PLCB1: variants seen among roughly 807,000 people sequenced by gnomAD.
The protein encoded by PLCB1 is phospholipase C beta 1, also known as 1-phosphatidylinositol 4,5-bisphosphate phosphodiesterase beta-1.
Under a neutral mutation model 161.8 loss-of-function variants are expected in PLCB1, and 46 were observed. That is an observed-to-expected ratio of 0.28 (90% CI 0.22 to 0.36). The LOEUF is 0.36. PLCB1 is among the 10% of genes least tolerant of loss of function. The pLI is 1.00. For missense variants in PLCB1, 1,016 were observed against 1,472.5 expected (o/e 0.69, Z 5.07); for synonymous variants, 517 against 503.7 (o/e 1.03, Z -0.35).
intron 3 of PLCB1, among the ~76,000 whole-genome samples, chr20:8,513,697 A>G (rs1983988343): frequency 6.6e-6 from 1 of 152,130 alleles, no homozygotes; most frequent in African/African-American, 2.4e-5. Context: ...TGAAATGATA[A>G]AACGCTACCA....
At chr20:8,285,211 G>C (rs900229139) in intron 2 of PLCB1, among the ~76,000 whole-genome samples, 2 of 149,724 alleles carry the variant, frequency 1.3e-5, no homozygotes, top group African/African-American at 4.9e-5. Flanking sequence ...CCAAATGTAT[G>C]CTCCTTCTCT....
chr20:8,768,513 C>G (rs6056083), intron 26 of PLCB1, among the ~76,000 whole-genome samples: 48,383 of 152,054 alleles, frequency 0.32, 7,764 homozygotes, highest in Middle Eastern at 0.49. Flanking sequence ...CTGGGCAGAA[C>G]CTGAAGTTTA....
intron 19 of PLCB1, among the ~76,000 whole-genome samples, chr20:8,734,783 C>T (rs1441107641): frequency 6.6e-6 from 1 of 151,976 alleles, no homozygotes; most frequent in Non-Finnish European, 1.5e-5. Context: ...AACTGAATAA[C>T]TATAGAACTA....
At chr20:8,682,949 A>G (rs188672751) in intron 9 of PLCB1, among the ~76,000 whole-genome samples, 1 of 152,292 alleles carries the variant, frequency 6.6e-6, no homozygotes, top group Admixed American at 6.5e-5. Flanking sequence ...AGTCAATGCA[A>G]TGTCATTTAT....
chr20:8,565,592 A>G (rs1182807738), intron 3 of PLCB1, among the ~76,000 whole-genome samples: 1 of 152,030 alleles, frequency 6.6e-6, no homozygotes, highest in Non-Finnish European at 1.5e-5. Context: ...CTGAATAGGC[A>G]AACAGAAATA....
In PLCB1 at chr20:8,882,087, T is replaced by C. The variant is rs926829954; in HGVS notation, c.*238T>C. 3.1e-5 allele frequency: 13 copies of C among 420,024 alleles called. No individual in the cohort carries two copies. The highest frequency in any genetic ancestry group is 5.5e-5 in the Non-Finnish European group (13 of 236,448). 26.0% of individuals were successfully genotyped at this position (420,024 alleles called of 1,614,324 possible). On this transcript the variant is annotated 3_prime_UTR_variant, in exon 32 of 32. Transcript: ENST00000338037. ...GAATGCATGTATGTGAGATTTTTGTTTTCTTTCCAATAGCAAATTCAAAGC... is the reference window on the plus strand; with the variant it reads ...GAATGCATGTATGTGAGATTTTTGTCTTCTTTCCAATAGCAAATTCAAAGC...
intron 31 of PLCB1, among the ~76,000 whole-genome samples, chr20:8,821,874 TTGTC>T (rs1421153880): frequency 7.2e-5 from 11 of 152,108 alleles, no homozygotes; most frequent in Middle Eastern, 6.8e-3. Context: ...TTCCAGCTCT[TTGTC>T]TGTCCCCAGA....
intron 2 of PLCB1, among the ~76,000 whole-genome samples, chr20:8,162,721 A>C (rs565139242): frequency 6.6e-6 from 1 of 152,376 alleles, no homozygotes; most frequent in East Asian, 1.9e-4. Flanking sequence ...CAAACAATGC[A>C]CCTGTGTGAA....
intron 2 of PLCB1, among the ~76,000 whole-genome samples, chr20:8,290,136 A>T (rs1983317660): frequency 6.6e-6 from 1 of 152,068 alleles, no homozygotes; most frequent in East Asian, 1.9e-4. Flanking sequence ...AAAAGCTGAA[A>T]CTTGGCTTTT....
In PLCB1 at chr20:8,233,952, T is replaced by C. The variant is rs567708636; in HGVS notation, c.177+83581T>C. 8.5e-5 allele frequency among the ~76,000 whole-genome samples: 13 copies of C among 152,330 alleles called. No homozygotes were observed. The South Asian group carries it at 2.5e-3, about 29-fold the overall frequency. ...GCTGTATAATATTCCATTGTGTGGA[T>C]GTTCCATTTATTCATTCTACTGTTA... is the stretch of plus-strand genomic sequence containing the variant. On this transcript the variant is annotated intron_variant, in intron 2 of 31. Coordinates refer to ENST00000338037, the MANE Select transcript of PLCB1 (RefSeq NM_015192.4).
rs184639486 is a variant in PLCB1, at chr20:8,472,571, A to G, written c.246+101121A>G. ...TAGCCGTGTTCTCTTTAAGCCAGGT[A>G]TGATGGTGCATGCCTGTAGTCCAGC... On this transcript the variant is annotated intron_variant, in intron 3 of 31. Transcript: ENST00000338037. 5.3e-5 allele frequency among the ~76,000 whole-genome samples: 8 copies of G among 152,184 alleles called. No individual in the cohort carries two copies. The East Asian group carries it at 1.5e-3, about 29-fold the overall frequency.
intron 3 of PLCB1, among the ~76,000 whole-genome samples, chr20:8,399,083 CT>C (rs915168362): frequency 8.9e-5 from 13 of 145,310 alleles, no homozygotes; most frequent in African/African-American, 7.5e-5. Context: ...CCTATAGCTT[CT>C]TTTTTTTTTT....
At chr20:8,326,341 A>G (rs898709097) in intron 2 of PLCB1, among the ~76,000 whole-genome samples, 2 of 152,162 alleles carry the variant, frequency 1.3e-5, no homozygotes, top group African/African-American at 2.4e-5. Context: ...GTGTTCACCC[A>G]TGTCCTGAGT....
intron 2 of PLCB1, among the ~76,000 whole-genome samples, chr20:8,355,168 T>C (rs949085009): frequency 2.6e-5 from 4 of 152,132 alleles, no homozygotes; most frequent in African/African-American, 7.2e-5. Context: ...TCTTTTTCCT[T>C]TTCTAATATC....
At chr20:8,619,878 CAAAG>C (rs1195826173) in intron 3 of PLCB1, among the ~76,000 whole-genome samples, 3 of 152,162 alleles carry the variant, frequency 2.0e-5, no homozygotes, top group Non-Finnish European at 4.4e-5. Context: ...CGACAAATCT[CAAAG>C]TAAGTAAATG....
chr20:8,341,169 T>G (rs1985795559), intron 2 of PLCB1, among the ~76,000 whole-genome samples: 1 of 152,196 alleles, frequency 6.6e-6, no homozygotes, highest in South Asian at 2.1e-4. Context: ...CCTCTCTGGT[T>G]AGTACTTCCT....
chr20:8,802,101 C>G, intron 31 of PLCB1: 1 of 1,612,938 alleles, frequency 6.2e-7, no homozygotes. Context: ...CCATGAGGAT[C>G]CCTCTGTTTC....
chr20:8,822,381 T>TA (rs1279133031), intron 31 of PLCB1, among the ~76,000 whole-genome samples: 1 of 152,160 alleles, frequency 6.6e-6, no homozygotes, highest in African/African-American at 2.4e-5. Context: ...AACAGGAAGG[T>TA]AGCCAGGAAC....
intron 3 of PLCB1, among the ~76,000 whole-genome samples, chr20:8,437,872 A>G (rs755056563): frequency 6.6e-6 from 1 of 152,192 alleles, no homozygotes; most frequent in Admixed American, 6.5e-5. Context: ...CATACATATC[A>G]CTGCAGCCTC....
Sources: allele counts gnomAD v4.1 joint callset (sites outside exome capture counted in the v4.1 genomes callset), GRCh38; gene constraint gnomAD v4.1.1; transcripts MANE v1.5; gene names NCBI Gene and HGNC (gene_info 2026-07-23, HGNC 2026-07-21).